Variants in MEGF11 observed in about 807,000 individuals in gnomAD.
The protein encoded by MEGF11 is multiple EGF like domains 11, also known as multiple epidermal growth factor-like domains protein 11.
MEGF11 carries 126 observed loss-of-function variants against 146.6 expected under a neutral mutation model. That is an observed-to-expected ratio of 0.86 (90% CI 0.74 to 1.00). MEGF11 has a LOEUF of 1.00. Among genes scored for constraint, MEGF11 ranks in the 50% least tolerant of loss-of-function variants. The pLI is 0.00. For synonymous variants in MEGF11, 532 were observed against 583.4 expected, an observed-to-expected ratio of 0.91 and a Z score of 1.27; for missense variants, 1,509 against 1,521.2, an observed-to-expected ratio of 0.99 and a Z score of 0.13.
At chr15:66,125,467 G>A (rs17241901) in intron 2 of MEGF11, among the ~76,000 whole-genome samples, 57,172 of 152,058 alleles carry the variant, frequency 0.38, 12,543 homozygotes, top group South Asian at 0.56. Context: ...GAATCCAAAC[G>A]CGGAGGCAGT....
chr15:66,185,301 A>C (rs989855769), intron 1 of MEGF11, among the ~76,000 whole-genome samples: 1 of 152,150 alleles, frequency 6.6e-6, no homozygotes, highest in East Asian at 1.9e-4. Context: ...CCCCTGTTCC[A>C]GCAGGAACTC....
At chr15:65,939,003 A>C (rs1174987485) in intron 10 of MEGF11, among the ~76,000 whole-genome samples, 1 of 152,188 alleles carries the variant, frequency 6.6e-6, no homozygotes. Flanking sequence ...GAGGTTAATG[A>C]GTATTTTTTG....
chr15:65,924,632 T>TTC (rs1460772310), intron 13 of MEGF11, among the ~76,000 whole-genome samples: 7 of 149,736 alleles, frequency 4.7e-5, no homozygotes, highest in African/African-American at 1.7e-4. Context: ...GGCTTTTTTT[T>TTC]TTTTTTTTTT....
In MEGF11 at chr15:65,980,787, T is replaced by TG; in HGVS notation, c.752dup (p.Gly252ArgfsTer33). 3.1e-6 allele frequency: 5 copies of TG among 1,604,758 alleles called. No individual in the cohort carries two copies. Among genetic ancestry groups the TG allele is most frequent in the East Asian group, 2.2e-5 (1 of 44,660 alleles). ...CTTTGGGCCCACTTACCGTCCAGCCTGGGGGGCAGGCACACTCGCCAGTGA... is the reference window on the plus strand; with the variant it reads ...CTTTGGGCCCACTTACCGTCCAGCCTGGGGGGGCAGGCACACTCGCCAGTGA... On this transcript the variant is annotated frameshift_variant, in exon 7 of 26. Coordinates refer to ENST00000395614, the MANE Select transcript of MEGF11 (RefSeq NM_001385028.1). LOFTEE classifies it high-confidence loss of function.
intron 6 of MEGF11, among the ~76,000 whole-genome samples, chr15:65,981,768 C>G (rs531311872): frequency 6.6e-6 from 1 of 152,266 alleles, no homozygotes; most frequent in South Asian, 2.1e-4. Flanking sequence ...GCAGAGTAAT[C>G]CTCCCAAATC....
At chr15:66,035,943 C>T (rs112054411) in intron 5 of MEGF11, among the ~76,000 whole-genome samples, 11,499 of 152,316 alleles carry the variant, frequency 0.075, 532 homozygotes, top group South Asian at 0.12. Flanking sequence ...AGCCACAGCC[C>T]CTCAGCCCAC....
intron 5 of MEGF11, among the ~76,000 whole-genome samples, chr15:66,040,628 G>A (rs1397995094): frequency 6.6e-6 from 1 of 152,216 alleles, no homozygotes; most frequent in Non-Finnish European, 1.5e-5. Flanking sequence ...TGGGCACAGA[G>A]GTGGCAGTGC....
At position 65,981,012 on chromosome 15, in the gene MEGF11, A is replaced by G. The variant is rs528013981; in HGVS notation, c.642-114T>C. On this transcript the variant is annotated intron_variant, in intron 6 of 25. Transcript: ENST00000395614. ...CGCAGTTAATGGATCTGTATTAGGC[A>G]CAGCATCCGCTGAACTGCAGTCCTG... is the stretch of plus-strand genomic sequence containing the variant. 3 of 1,323,778 alleles carry G rather than the reference A, an allele frequency of 2.3e-6. No homozygotes were observed. The East Asian group carries it at 8.1e-5, about 36-fold the overall frequency. The allele number at this position is 1,323,778 out of a possible 1,614,324, so 82.0% of individuals were successfully genotyped here.
chr15:66,125,466 C>T (rs2088289598), intron 2 of MEGF11, among the ~76,000 whole-genome samples: 1 of 152,172 alleles, frequency 6.6e-6, no homozygotes, highest in African/African-American at 2.4e-5. Flanking sequence ...GGAATCCAAA[C>T]GCGGAGGCAG....
chr15:65,906,124 T>C lies in MEGF11; in HGVS notation c.3016A>G (p.Arg1006Gly). ...PHSPGACGMDRRQNTYIMDKG... is the reference protein window; with the variant it reads ...PHSPGACGMDGRQNTYIMDKG... Reference sequence around the variant, plus strand: ...TCCATAATGTATGTGTTCTGACGTCTATCCATTCCACAAGCACCTGTGTAA... The same window carrying C: ...TCCATAATGTATGTGTTCTGACGTCCATCCATTCCACAAGCACCTGTGTAA... The change falls in exon 24 of 26, where the codon AGA (arginine) becomes GGA (glycine). Residue 1006 changes from arginine to glycine, a missense_variant. By Grantham distance (125) the Arg-to-Gly change is moderately radical. Coordinates refer to ENST00000395614, the MANE Select transcript of MEGF11 (RefSeq NM_001385028.1). 1.2e-6 allele frequency: 2 copies of C among 1,610,676 alleles called. No homozygotes were observed. Among genetic ancestry groups the C allele is most frequent in the Non-Finnish European group, 1.7e-6 (2 of 1,178,342 alleles).
At chr15:66,075,219 TC>T (rs1736380746) in intron 5 of MEGF11, among the ~76,000 whole-genome samples, 1 of 152,190 alleles carries the variant, frequency 6.6e-6, no homozygotes, top group African/African-American at 2.4e-5. Context: ...CCTGAATATA[TC>T]AGGCCCCTAA....
intron 5 of MEGF11, among the ~76,000 whole-genome samples, chr15:66,009,774 T>G (rs959175946): frequency 6.6e-6 from 1 of 151,922 alleles, no homozygotes; most frequent in Non-Finnish European, 1.5e-5. Flanking sequence ...TTTTGAATTT[T>G]TAGTAGAGGC....
chr15:65,897,972 T>TCTGTCTTA lies in MEGF11; in HGVS notation c.3377_3384dup (p.Ser1129Ter). 2.5e-6 allele frequency: 4 copies of TCTGTCTTA among 1,614,026 alleles called. No individual in the cohort carries two copies. The highest frequency in any genetic ancestry group is 3.4e-6 in the Non-Finnish European group (4 of 1,179,866). ...TCCTGGGACGGCCCATTGGCAGGGC[T>TCTGTCTTA]CTGTCTTACTGGGAGGAGGTCATAA... On this transcript the variant is annotated stop_gained and frameshift_variant, in exon 26 of 26. Coordinates refer to ENST00000395614, the MANE Select transcript of MEGF11 (RefSeq NM_001385028.1). LOFTEE classifies it high-confidence loss of function.
At chr15:66,029,531 C>G (rs1432526118) in intron 5 of MEGF11, among the ~76,000 whole-genome samples, 1 of 152,224 alleles carries the variant, frequency 6.6e-6, no homozygotes, top group Non-Finnish European at 1.5e-5. Flanking sequence ...GGCCACATTA[C>G]TGAAACCTCT....
At chr15:66,107,059 C>CACCCT (rs762104709) in intron 4 of MEGF11, among the ~76,000 whole-genome samples, 2 of 141,204 alleles carry the variant, frequency 1.4e-5, no homozygotes, top group African/African-American at 5.4e-5. Flanking sequence ...TTCCTACCCC[C>CACCCT]CCACCAGGTA....
intron 5 of MEGF11, among the ~76,000 whole-genome samples, chr15:66,032,276 G>A (rs2083552310): frequency 6.6e-6 from 1 of 152,204 alleles, no homozygotes; most frequent in African/African-American, 2.4e-5. Context: ...CCAGTCTGTG[G>A]TATTCAGTTA....
intron 5 of MEGF11, among the ~76,000 whole-genome samples, chr15:66,023,494 G>A (rs770081175): frequency 3.5e-4 from 53 of 152,318 alleles, no homozygotes; most frequent in South Asian, 8.3e-4. Flanking sequence ...GTCAGCCAAG[G>A]CTCCCTGCCA....
chr15:66,199,727 T>C (rs2091102695), intron 1 of MEGF11, among the ~76,000 whole-genome samples: 1 of 152,182 alleles, frequency 6.6e-6, no homozygotes, highest in South Asian at 2.1e-4. Context: ...AGATGGAGGC[T>C]GCAGTGAGCC....
chr15:66,141,413 C>T (rs1048576415), intron 1 of MEGF11, among the ~76,000 whole-genome samples: 1 of 151,878 alleles, frequency 6.6e-6, no homozygotes, highest in African/African-American at 2.4e-5. Flanking sequence ...GAGAAGACGA[C>T]TGGCTTGGAA....
Sources: gnomAD v4.1 joint callset for allele counts (sites outside exome capture counted in the v4.1 genomes callset) on GRCh38, gnomAD v4.1.1 for gene constraint, MANE v1.5 for transcripts, NCBI Gene and HGNC (gene_info 2026-07-23, HGNC 2026-07-21) for gene names.